Variants in DGKG observed in about 807,000 individuals in gnomAD.
DGKG encodes diacylglycerol kinase gamma, also known as DAG kinase gamma.
Under a neutral mutation model 105.3 loss-of-function variants are expected in DGKG, and 78 were observed. The ratio of observed to expected loss-of-function variants is 0.74; its 90% CI spans 0.62 to 0.89. The LOEUF is 0.89. DGKG is among the 40% of genes least tolerant of loss of function. DGKG has a pLI of 0.00. For synonymous variants in DGKG, 346 were observed against 367.1 expected, an observed-to-expected ratio of 0.94 and a Z score of 0.66; for missense variants, 958 against 1,020.1, an observed-to-expected ratio of 0.94 and a Z score of 0.83.
chr3:186,159,130 T>TTATA (rs780961538), intron 24 of DGKG: 1 of 151,348 alleles, frequency 6.6e-6, no homozygotes, highest in Non-Finnish European at 1.5e-5. Context: ...TATTTTTCTT[T>TTATA]TATATATATA....
At chr3:186,219,016 C>A (rs1314317574) in intron 20 of DGKG, among the ~76,000 whole-genome samples, 1 of 151,950 alleles carries the variant, frequency 6.6e-6, no homozygotes, top group African/African-American at 2.4e-5. Context: ...CCAAATGCAA[C>A]AAGAGTTGAA....
chr3:186,243,895 G>GTT (rs34134152), intron 19 of DGKG, among the ~76,000 whole-genome samples: 75,475 of 116,182 alleles, frequency 0.65, 28,551 homozygotes, highest in East Asian at 0.84. Context: ...AAATTTCTGT[G>GTT]TTTTTTTTTT....
intron 20 of DGKG, among the ~76,000 whole-genome samples, chr3:186,240,201 C>G (rs1478605113): frequency 6.6e-6 from 1 of 152,190 alleles, no homozygotes; most frequent in Non-Finnish European, 1.5e-5. Context: ...TTGCCCTCCT[C>G]TTTTTCCGTG....
At chr3:186,287,515 G>A (rs1723125621) in intron 6 of DGKG, among the ~76,000 whole-genome samples, 1 of 152,102 alleles carries the variant, frequency 6.6e-6, no homozygotes, top group South Asian at 2.1e-4. Flanking sequence ...ACATTTCTTT[G>A]CATGGTCATT....
chr3:186,264,483 C>T lies in DGKG; in HGVS notation c.1269+764G>A, dbSNP rs144733872. On this transcript the variant is annotated intron_variant, in intron 14 of 24. Transcript: ENST00000265022. ...TTCACCATGTTGGCCAGTCTGGTCT[C>T]GAACTTCTGACCTTAGGCGATTTGC... Among the ~76,000 whole-genome samples the T allele has an allele frequency of 1.1e-3, 169 of 152,316 alleles. 1 individual carries two copies. Among genetic ancestry groups the T allele is most frequent in the African/African-American group, 3.9e-3 (164 of 41,570 alleles).
At chr3:186,269,045 G>A in intron 11 of DGKG, 128 bp from the exon 12 acceptor site, 2 of 654,720 alleles carry the variant, frequency 3.1e-6, no homozygotes, top group South Asian at 3.6e-5. Context: ...TTTAGAGGAT[G>A]CTTATTGGAT....
intron 21 of DGKG, among the ~76,000 whole-genome samples, chr3:186,206,646 C>T (rs539399204): frequency 2.0e-3 from 302 of 152,202 alleles, no homozygotes; most frequent in African/African-American, 6.4e-3. Flanking sequence ...TATTAAGAGC[C>T]TCTGGAAGGG....
intron 7 of DGKG, among the ~76,000 whole-genome samples, chr3:186,281,410 A>G (rs756850086): frequency 5.9e-5 from 9 of 152,214 alleles, no homozygotes; most frequent in Non-Finnish European, 1.3e-4. Flanking sequence ...CCAATGAGTC[A>G]GTGTTCTGAG....
At chr3:186,314,471 C>T (rs1032232228) in intron 2 of DGKG, among the ~76,000 whole-genome samples, 6 of 152,268 alleles carry the variant, frequency 3.9e-5, no homozygotes, top group African/African-American at 1.4e-4. Context: ...CTTAAAAATT[C>T]TGGCTGAGTG....
chr3:186,194,355 C>G (rs529543298), intron 21 of DGKG, among the ~76,000 whole-genome samples: 2 of 152,356 alleles, frequency 1.3e-5, no homozygotes, highest in East Asian at 3.9e-4. Context: ...AAGAGGGACC[C>G]GGAGCACCGA....
At chr3:186,186,493 T>A (rs955151252) in intron 22 of DGKG, among the ~76,000 whole-genome samples, 3 of 152,200 alleles carry the variant, frequency 2.0e-5, no homozygotes, top group Non-Finnish European at 1.5e-5. Context: ...ATTAGGTAGA[T>A]CTAGGCTGGG....
intron 22 of DGKG, among the ~76,000 whole-genome samples, chr3:186,184,369 T>C (rs1717516460): frequency 1.3e-5 from 2 of 152,214 alleles, no homozygotes; most frequent in Admixed American, 1.3e-4. Flanking sequence ...CCAATGTTTC[T>C]ATAGAACCCA....
intron 1 of DGKG, among the ~76,000 whole-genome samples, chr3:186,337,148 C>T (rs188370393): frequency 3.4e-4 from 51 of 152,120 alleles, no homozygotes; most frequent in Admixed American, 1.9e-3. Flanking sequence ...TAGCATAACC[C>T]GGTAACAAAC....
At chr3:186,318,458 ATCG>A (rs1724919409) in intron 2 of DGKG, among the ~76,000 whole-genome samples, 1 of 152,148 alleles carries the variant, frequency 6.6e-6, no homozygotes, top group Non-Finnish European at 1.5e-5. Flanking sequence ...ATCCTCTGTT[ATCG>A]GTTCAACCGT....
At chr3:186,255,484 G>A (rs1721423459) in intron 17 of DGKG, among the ~76,000 whole-genome samples, 1 of 152,248 alleles carries the variant, frequency 6.6e-6, no homozygotes, top group Admixed American at 6.5e-5. Context: ...TGGAGTGGAA[G>A]CTGACTGAGT....
intron 24 of DGKG, chr3:186,160,545 AC>A: frequency 1.0e-6 from 1 of 985,356 alleles, no homozygotes; most frequent in Non-Finnish European, 1.2e-6. Flanking sequence ...GTTTTTGATA[AC>A]CTTTATAGAA....
At chr3:186,246,360 AT>A (rs1448010462) in intron 19 of DGKG, among the ~76,000 whole-genome samples, 9 of 152,330 alleles carry the variant, frequency 5.9e-5, no homozygotes, top group African/African-American at 2.2e-4. Flanking sequence ...TGAGACATTA[AT>A]TTTTTATATC....
In DGKG at chr3:186,322,855, G is replaced by A. The variant is rs144048433; in HGVS notation, c.-248-2148C>T. Among the ~76,000 whole-genome samples, 379 of 152,272 alleles carry A rather than the reference G, an allele frequency of 2.5e-3. 1 individual carries two copies. Among genetic ancestry groups the A allele is most frequent in the African/African-American group, 8.6e-3 (357 of 41,544 alleles). On this transcript the variant is annotated intron_variant, in intron 1 of 24. Transcript: ENST00000265022. ...CAGTGTCCCCAGCCGCTCGGGTTAT[G>A]CCCAAGAGAAGCCAGTGCCCAGGTC...
intron 2 of DGKG, among the ~76,000 whole-genome samples, chr3:186,318,603 G>C (rs557990164): frequency 1.3e-5 from 2 of 152,146 alleles, no homozygotes; most frequent in African/African-American, 4.8e-5. Flanking sequence ...GGCCAATAAG[G>C]TTGTGCGCCT....
Sources: gnomAD v4.1 joint callset for allele counts (sites outside exome capture counted in the v4.1 genomes callset) on GRCh38, gnomAD v4.1.1 for gene constraint, MANE v1.5 for transcripts, NCBI Gene and HGNC (gene_info 2026-07-23, HGNC 2026-07-21) for gene names.